Variants in OSBPL10 observed in about 807,000 individuals in gnomAD.
The protein encoded by OSBPL10 is oxysterol-binding protein-related protein 10.
OSBPL10 carries 49 observed loss-of-function variants against 81.7 expected under a neutral mutation model. The ratio of observed to expected loss-of-function variants is 0.60; its 90% CI spans 0.48 to 0.76. The LOEUF is 0.76. Ranked by LOEUF, OSBPL10 falls within the 30% of genes least tolerant of loss-of-function variation. OSBPL10 has a pLI of 0.00. For synonymous variants in OSBPL10, 419 were observed against 383.6 expected, an observed-to-expected ratio of 1.09 and a Z score of -1.08; for missense variants, 923 against 987.8, an observed-to-expected ratio of 0.93 and a Z score of 0.88.
At chr3:31,715,725 C>T (rs945699811) in intron 6 of OSBPL10, among the ~76,000 whole-genome samples, 3 of 152,304 alleles carry the variant, frequency 2.0e-5, no homozygotes, top group Middle Eastern at 6.8e-3. Flanking sequence ...TGATTTGCTT[C>T]TGTCATAAGC....
At chr3:32,059,762 A>T (rs1184342223) in intron 1 of OSBPL10, among the ~76,000 whole-genome samples, 2 of 151,648 alleles carry the variant, frequency 1.3e-5, no homozygotes, top group Admixed American at 1.3e-4. Context: ...TATAAAAAAA[A>T]TTAGCCAGGC....
In OSBPL10 at chr3:31,876,497, T is replaced by C. The variant is rs200402543; in HGVS notation, c.473A>G (p.Glu158Gly). Residue 158 changes from glutamate (E) to glycine (G), a missense_variant, in exon 3 of 12, where the codon GAG (glutamate) becomes GGG (glycine). Transcript: ENST00000396556. ...MFKLRAADAK[E>G]KQFWVTQLRA... Reference sequence around the variant, plus strand: ...AAGCTGAGTCACCCAGAATTGTTTCTCTTTTGCATCAGCAGCTAAAATAGA... The same window carrying C: ...AAGCTGAGTCACCCAGAATTGTTTCCCTTTTGCATCAGCAGCTAAAATAGA... 321 of 1,613,200 alleles carry C rather than the reference T, an allele frequency of 2.0e-4. 3 individuals are homozygous for C. In the East Asian group the frequency reaches 6.5e-3, roughly 33 times the overall value.
chr3:31,689,356 A>C (rs1700883226), intron 7 of OSBPL10, among the ~76,000 whole-genome samples: 1 of 152,210 alleles, frequency 6.6e-6, no homozygotes, highest in African/African-American at 2.4e-5. Context: ...GGGAAAATTT[A>C]CCATGGGCTG....
At chr3:31,906,375 G>C (rs538874274) in intron 1 of OSBPL10, among the ~76,000 whole-genome samples, 2 of 152,110 alleles carry the variant, frequency 1.3e-5, no homozygotes, top group Admixed American at 6.5e-5. Context: ...TATATCACTC[G>C]ATTAAACATA....
Position 31,946,625 on chromosome 3 carries a change from A to G in OSBPL10, c.281+34274T>C, listed in dbSNP as rs1054530389. 3.3e-5 allele frequency among the ~76,000 whole-genome samples: 5 copies of G among 152,312 alleles called. No individual in the cohort carries two copies. In the South Asian group the frequency reaches 8.3e-4, roughly 25 times the overall value. On this transcript the variant is annotated intron_variant, in intron 1 of 11. Coordinates refer to ENST00000396556, the MANE Select transcript of OSBPL10 (RefSeq NM_017784.5). ...AATGGCATCCACCTGCGAAAAGCAC[A>G]AGAGCCCTCAGGAGGTGACAGGAAG...
At chr3:31,953,163 G>A (rs1337967118) in intron 1 of OSBPL10, among the ~76,000 whole-genome samples, 1 of 151,806 alleles carries the variant, frequency 6.6e-6, no homozygotes, top group Non-Finnish European at 1.5e-5. Context: ...TTGAACTCCT[G>A]ACCTCGTGAT....
intron 1 of OSBPL10, among the ~76,000 whole-genome samples, chr3:31,887,660 T>C (rs1695774127): frequency 6.6e-6 from 1 of 152,028 alleles, no homozygotes; most frequent in Non-Finnish European, 1.5e-5. Context: ...CCTTAAGAGG[T>C]TTAGAAGAAA....
chr3:31,898,834 T>TCCATAA (rs1696140951), intron 1 of OSBPL10, among the ~76,000 whole-genome samples: 1 of 151,892 alleles, frequency 6.6e-6, no homozygotes, highest in African/African-American at 2.4e-5. Flanking sequence ...ATAATAAAGA[T>TCCATAA]GTTTAACTTA....
At chr3:31,854,659 C>T (rs1452680647) in intron 3 of OSBPL10, among the ~76,000 whole-genome samples, 3 of 152,186 alleles carry the variant, frequency 2.0e-5, no homozygotes, top group Admixed American at 6.5e-5. Context: ...AAACCCACCA[C>T]GTATCCTTTA....
intron 4 of OSBPL10, among the ~76,000 whole-genome samples, chr3:31,798,069 A>G (rs1307910116): frequency 6.6e-6 from 1 of 152,206 alleles, no homozygotes; most frequent in Admixed American, 6.5e-5. Context: ...GATAGCCTCC[A>G]GCCATACATA....
intron 1 of OSBPL10, among the ~76,000 whole-genome samples, chr3:31,978,061 G>A (rs1029773071): frequency 1.3e-5 from 2 of 152,210 alleles, no homozygotes; most frequent in African/African-American, 4.8e-5. Context: ...GATGCCAAGT[G>A]TTAAAATATA....
intron 7 of OSBPL10, chr3:31,700,505 A>T (rs1372109521): frequency 6.6e-6 from 1 of 152,166 alleles, no homozygotes; most frequent in East Asian, 1.9e-4. Context: ...CCACAATGAG[A>T]ATATATCCTA....
chr3:32,030,179 T>G (rs1320268482), intron 2 of OSBPL10: 1 of 239,200 alleles, frequency 4.2e-6, no homozygotes, highest in South Asian at 6.5e-5. Flanking sequence ...ACCGCCATCT[T>G]CCAGTAATTT....
chr3:31,705,791 A>T (rs1696045524), intron 6 of OSBPL10, among the ~76,000 whole-genome samples: 1 of 152,100 alleles, frequency 6.6e-6, no homozygotes, highest in Non-Finnish European at 1.5e-5. Flanking sequence ...GCGAATTTTC[A>T]CTTATAAAAC....
chr3:31,768,303 C>T (rs948002242), intron 4 of OSBPL10, among the ~76,000 whole-genome samples: 3 of 152,072 alleles, frequency 2.0e-5, no homozygotes, highest in South Asian at 2.1e-4. Flanking sequence ...GAGGTTTTTG[C>T]GACCCATACC....
At chr3:31,848,448 T>C (rs888171954) in intron 3 of OSBPL10, among the ~76,000 whole-genome samples, 4 of 152,074 alleles carry the variant, frequency 2.6e-5, no homozygotes, top group Admixed American at 2.0e-4. Context: ...CATTATCTGG[T>C]TCCAGTTCCA....
At chr3:31,705,471 A>C (rs987528495) in intron 6 of OSBPL10, among the ~76,000 whole-genome samples, 2 of 151,298 alleles carry the variant, frequency 1.3e-5, no homozygotes, top group African/African-American at 4.9e-5. Flanking sequence ...GGTCCATGGC[A>C]ATGTAAATAC....
At chr3:31,765,485 T>G in intron 4 of OSBPL10, among the ~76,000 whole-genome samples, 1 of 90,402 alleles carries the variant, frequency 1.1e-5, no homozygotes. Context: ...GCTGAAAGCA[T>G]GAGTGAGTGA....
chr3:31,985,331 T>C (rs886791908), upstream of OSBPL10, among the ~76,000 whole-genome samples: 2 of 152,212 alleles, frequency 1.3e-5, no homozygotes, highest in Non-Finnish European at 2.9e-5. Context: ...ATAAATCACT[T>C]AGAAAAAATT....
Sources: allele counts gnomAD v4.1 joint callset (sites outside exome capture counted in the v4.1 genomes callset), GRCh38; gene constraint gnomAD v4.1.1; transcripts MANE v1.5; gene names NCBI Gene and HGNC (gene_info 2026-07-23, HGNC 2026-07-21).